Variants in SREBF1 observed in about 807,000 individuals in gnomAD.
SREBF1 encodes sterol regulatory element-binding protein 1.
A neutral mutation model predicts 100.1 loss-of-function variants in SREBF1; 45 were observed. The observed-to-expected ratio is 0.45, with a 90% confidence interval of 0.35 to 0.58. The LOEUF is 0.58. SREBF1 is among the 20% of genes least tolerant of loss of function. The pLI, the probability that SREBF1 is intolerant of heterozygous loss-of-function variation, is 0.00. For missense variants in SREBF1, 1,324 were observed against 1,539.4 expected (o/e 0.86, Z 2.34); for synonymous variants, 657 against 681.8 (o/e 0.96, Z 0.57).
Position 17,836,897 on chromosome 17 carries a change from G to C in SREBF1, c.-80C>G. The C allele has an allele frequency of 7.6e-7, 1 of 1,315,886 alleles. No homozygotes were observed. The allele number at this position is 1,315,886 out of a possible 1,614,324, so 81.5% of individuals were successfully genotyped here. On this transcript the variant is annotated 5_prime_UTR_variant, in exon 1 of 19. Coordinates refer to ENST00000261646, the MANE Select transcript of SREBF1 (RefSeq NM_004176.5). ...TCCTAGGGAGCGCCGCCGCGGCCCC[G>C]GCTCTCAGTCGCCGCCGCCGCTCCG...
Position 17,824,690 on chromosome 17 carries a change from C to G in SREBF1, c.92-4169G>C, listed in dbSNP as rs1057237712. 6.6e-6 allele frequency among the ~76,000 whole-genome samples: 1 copy of G among 152,228 alleles called. No individual in the cohort carries two copies. Among genetic ancestry groups the G allele is most frequent in the African/African-American group, 2.4e-5 (1 of 41,454 alleles). ...GCCTCTGCCCCAAACTGCAGGCCAG[C>G]GCCTCTGCCTGGTCCACACCCCAGT... On this transcript the variant is annotated intron_variant, in intron 1 of 18. Transcript: ENST00000261646. This position sits in a 1 kb window ranked among gnomAD's most constrained non-coding sequence, Gnocchi z 4.2.
At chr17:17,830,442 A>G (rs1039793080) in intron 1 of SREBF1, among the ~76,000 whole-genome samples, 25 of 152,256 alleles carry the variant, frequency 1.6e-4, no homozygotes, top group Admixed American at 1.6e-3. Context: ...TGCTTTTAGT[A>G]CTGCTCCCTT....
chr17:17,814,659 C>T lies in SREBF1; in HGVS notation c.2691G>A (p.Leu897=). 6.4e-7 allele frequency: 1 copy of T among 1,561,764 alleles called. No individual in the cohort carries two copies. The highest frequency in any genetic ancestry group is 8.6e-7 in the Non-Finnish European group (1 of 1,158,054). ...LRRDEEAAER[L]CPLVEHLPRV... is the part of the protein sequence containing the mutation. Reference sequence around the variant, plus strand: ...GGGGCAGGTGCTCCACCAGCGGGCACAGCCGCTCAGCCGCCTCCTCATCCC... The same window carrying T: ...GGGGCAGGTGCTCCACCAGCGGGCATAGCCGCTCAGCCGCCTCCTCATCCC... Residue 897 remains leucine, a synonymous_variant, in exon 15 of 19, where the codon CTG becomes CTA. Transcript: ENST00000261646.
chr17:17,823,459 G>T, intron 1 of SREBF1: 1 of 1,306,814 alleles, frequency 7.7e-7, no homozygotes, highest in Non-Finnish European at 1.1e-6. Context: ...CACCCCAGGA[G>T]AACCTGCAGG....
chr17:17,818,243 A>G lies in SREBF1; in HGVS notation c.1183+17T>C. The G allele has an allele frequency of 2.5e-6, 4 of 1,607,686 alleles. No individual in the cohort carries two copies. The highest frequency in any genetic ancestry group is 3.4e-6 in the Non-Finnish European group (4 of 1,174,480). On this transcript the variant is annotated intron_variant, in intron 6 of 18. Coordinates refer to ENST00000261646, the MANE Select transcript of SREBF1 (RefSeq NM_004176.5). ...AGAGAAGAGGCCAGACTGGAGCTCA[A>G]TAAAGCCAGGACTCACTGCTTTTGT...
chr17:17,816,925 GC>G, intron 9 of SREBF1, 32 bp downstream of exon 9: 1 of 1,612,158 alleles, frequency 6.2e-7, no homozygotes, highest in Non-Finnish European at 8.5e-7. Context: ...TGGGGTCCCT[GC>G]CCTGCCCACT....
rs772619133 is a variant in SREBF1 at position 17,820,344 on chromosome 17, G to C, written c.269C>G (p.Pro90Arg). 1 of 1,613,204 alleles carries C rather than the reference G, an allele frequency of 6.2e-7. No individual in the cohort carries two copies. The highest frequency in any genetic ancestry group is 8.5e-7 in the Non-Finnish European group (1 of 1,179,470). ...GGACAGGGGTGAGGGCGCTGCCTGC[G>C]GCCCGCTCAGGAAGGCTTCAAGAGA... is the stretch of plus-strand genomic sequence containing the variant. ...SSSLEAFLSG[P>R]QAAPSPLSPP... is the part of the protein sequence containing the mutation. The change falls in exon 2 of 19, where the codon CCG becomes CGG. Residue 90 changes from proline to arginine, a missense_variant. Coordinates refer to ENST00000261646, the MANE Select transcript of SREBF1 (RefSeq NM_004176.5).
chr17:17,815,886 C>T lies in SREBF1; in HGVS notation c.2357G>A (p.Ser786Asn). 1 of 1,612,926 alleles carries T rather than the reference C, an allele frequency of 6.2e-7. No individual in the cohort carries two copies. The highest frequency in any genetic ancestry group is 8.5e-7 in the Non-Finnish European group (1 of 1,179,900). ...TGGGTTCCCGGCCAAGCTGTACAGG[C>T]TCTCCCATGGGGTACTGAGCACGGA... ...DWSVLSTPWE[S>N]LYSLAGNPVD... The change falls in exon 12 of 19, where the codon AGC (serine) becomes AAC (asparagine). Residue 786 changes from serine to asparagine, a missense_variant. Coordinates refer to ENST00000261646, the MANE Select transcript of SREBF1 (RefSeq NM_004176.5).
intron 12 of SREBF1, 48 bp from the exon 13 acceptor site, chr17:17,815,377 C>T (rs1289824308): frequency 6.7e-7 from 1 of 1,493,982 alleles, no homozygotes; most frequent in Admixed American, 1.7e-5. Context: ...GCCCCACCCT[C>T]CTCTCCAAGC....
In SREBF1 at chr17:17,817,992, G is replaced by A; in HGVS notation, c.1184-76C>T. On this transcript the variant is annotated intron_variant, in intron 6 of 18. Coordinates refer to ENST00000261646, the MANE Select transcript of SREBF1 (RefSeq NM_004176.5). The surrounding 1 kb of genome is among the most constrained non-coding windows in gnomAD (Gnocchi z 6.6). ...CAAATCAGAGCCTAGGCCCTTGGAG[G>A]CCTAGGGACTACTGTAGCTCCTAAA... The A allele has an allele frequency of 6.9e-7, 1 of 1,443,924 alleles. No homozygotes were observed. Among genetic ancestry groups the A allele is most frequent in the South Asian group, 1.1e-5 (1 of 87,678 alleles). 89.4% of individuals were successfully genotyped at this position (1,443,924 alleles called of 1,614,324 possible).
chr17:17,813,870 G>A (rs1333766161), intron 16 of SREBF1, 101 bp from the exon 17 acceptor site: 9 of 1,210,736 alleles, frequency 7.4e-6, no homozygotes, highest in Non-Finnish European at 1.1e-5. Flanking sequence ...CTGCACTGCC[G>A]AGGCACTGCA....
chr17:17,811,732 T>TGTCA lies in SREBF1; in HGVS notation c.*886_*889dup, dbSNP rs1439665372. On this transcript the variant is annotated 3_prime_UTR_variant, in exon 19 of 19. Coordinates refer to ENST00000261646, the MANE Select transcript of SREBF1 (RefSeq NM_004176.5). Reference sequence around the variant, plus strand: ...GCAGGGAGACCCAAGCTGTAGCTCCTGTCACACAACAGGTCCTGGAAGTCA... The same window carrying TGTCA: ...GCAGGGAGACCCAAGCTGTAGCTCCTGTCAGTCACACAACAGGTCCTGGAAGTCA... The TGTCA allele has an allele frequency of 4.0e-5, 18 of 455,208 alleles. No individual in the cohort carries two copies. Among genetic ancestry groups the TGTCA allele is most frequent in the Middle Eastern group, 6.5e-4 (2 of 3,072 alleles). 28.2% of individuals were successfully genotyped at this position (455,208 alleles called of 1,614,324 possible).
chr17:17,836,433 G>C (rs1052065588), intron 1 of SREBF1, among the ~76,000 whole-genome samples: 24 of 152,238 alleles, frequency 1.6e-4, no homozygotes, highest in African/African-American at 5.5e-4. Flanking sequence ...GTCACCGGTC[G>C]GGCGGCACCC....
chr17:17,817,233 A>T lies in SREBF1; in HGVS notation c.1606+23T>A, dbSNP rs1360873554. The stretch of plus-strand genomic sequence containing the variant: ...CTCACCCCGAGTGTCCCTCCCAAAG[A>T]TGCCCAGGCTGGCCGGTCCCACCTC... On this transcript the variant is annotated intron_variant, in intron 8 of 18. Transcript: ENST00000261646. This position sits in a 1 kb window ranked among gnomAD's most constrained non-coding sequence, Gnocchi z 6.6. 1.9e-6 allele frequency: 3 copies of T among 1,608,036 alleles called. No homozygotes were observed. Among genetic ancestry groups the T allele is most frequent in the South Asian group, 2.2e-5 (2 of 90,596 alleles).
At chr17:17,816,420 G>A in intron 10 of SREBF1, 37 bp downstream of exon 10, 1 of 1,601,672 alleles carries the variant, frequency 6.2e-7, no homozygotes, top group Non-Finnish European at 8.5e-7. Flanking sequence ...ACAGGCAGCA[G>A]GGAGCACCTC....
At position 17,818,242 on chromosome 17, in the gene SREBF1, A is replaced by G; in HGVS notation, c.1183+18T>C. 2 of 1,606,502 alleles carry G rather than the reference A, an allele frequency of 1.2e-6. No homozygotes were observed. Among genetic ancestry groups the G allele is most frequent in the South Asian group, 2.2e-5 (2 of 90,916 alleles). On this transcript the variant is annotated intron_variant, in intron 6 of 18. Transcript: ENST00000261646. ...TAGAGAAGAGGCCAGACTGGAGCTC[A>G]ATAAAGCCAGGACTCACTGCTTTTG...
rs1351181129 is a variant in SREBF1, at chr17:17,814,230, GACCCC to G, written c.2901+10_2901+14del. 2 of 1,599,578 alleles carry G rather than the reference GACCCC, an allele frequency of 1.3e-6. No individual in the cohort carries two copies. The highest frequency in any genetic ancestry group is 1.7e-6 in the Non-Finnish European group (2 of 1,174,256). On this transcript the variant is annotated intron_variant, in intron 16 of 18. Coordinates refer to ENST00000261646, the MANE Select transcript of SREBF1 (RefSeq NM_004176.5). ...AATCCCCCAGCCCTGCCAGGCCCCT[GACCCC>G]ACCCCTCACCTTGTCAATGGAGCTG... is the stretch of plus-strand genomic sequence containing the variant.
Position 17,815,909 on chromosome 17 carries a change from G to A in SREBF1, c.2334C>T (p.Ser778=), listed in dbSNP as rs753192409. The part of the protein sequence containing the change: ...GHRFFVDGDW[S]VLSTPWESLY... The stretch of plus-strand genomic sequence containing the variant: ...GGCTCTCCCATGGGGTACTGAGCAC[G>A]GACCAGTCCCCATCCACGAAGAAAC... Residue 778 remains serine, a synonymous_variant, in exon 12 of 19, where the codon TCC becomes TCT. Coordinates refer to ENST00000261646, the MANE Select transcript of SREBF1 (RefSeq NM_004176.5). 16 of 1,612,860 alleles carry A rather than the reference G, an allele frequency of 9.9e-6. No individual in the cohort carries two copies. The highest frequency in any genetic ancestry group is 4.0e-5 in the African/African-American group (3 of 74,906).
At position 17,814,316 on chromosome 17, in the gene SREBF1, T is replaced by C. The variant is rs571282377; in HGVS notation, c.2830A>G (p.Ile944Val). 18 of 1,595,820 alleles carry C rather than the reference T, an allele frequency of 1.1e-5. No individual in the cohort carries two copies. In the South Asian group the frequency reaches 1.2e-4, roughly 11 times the overall value. ...AGGTACCCACTGGCCTTCTCACAGA[T>C]GGTCAGGCTGGCTGGACCAGACTCT... ...KAESGPASLTICEKASGYLQD... is the reference protein window; with the variant it reads ...KAESGPASLTVCEKASGYLQD... Residue 944 changes from isoleucine (I) to valine (V), a missense_variant, in exon 16 of 19, where the codon ATC (isoleucine) becomes GTC (valine). Transcript: ENST00000261646.
Sources: gnomAD v4.1 joint callset for allele counts (sites outside exome capture counted in the v4.1 genomes callset) on GRCh38, gnomAD v4.1.1 for gene constraint, Gnocchi (gnomAD v3.1) non-coding constraint, MANE v1.5 for transcripts, NCBI Gene and HGNC (gene_info 2026-07-23, HGNC 2026-07-21) for gene names.